The following VPS13B variants were observed in gnomAD, a reference collection of about 807,000 sequenced individuals.
The protein encoded by VPS13B is intermembrane lipid transfer protein VPS13B.
In VPS13B, 285 loss-of-function variants were observed where a neutral mutation model predicts 426.4. That is an observed-to-expected ratio of 0.67 (90% CI 0.61 to 0.74). VPS13B has a LOEUF of 0.74. Ranked by LOEUF, VPS13B falls within the 30% of genes least tolerant of loss-of-function variation. The probability of loss-of-function intolerance (pLI) is 0.00; values close to 1 mark genes in which losing one functional copy is unlikely to be tolerated. For synonymous variants in VPS13B, 1,676 were observed against 1,676.4 expected (o/e 1.00, Z 0.01); for missense variants, 4,537 against 4,782.6 (o/e 0.95, Z 1.51).
rs191314036 is a variant in VPS13B at position 99,650,329 on chromosome 8, C to T, written c.5908+7831C>T. Among the ~76,000 whole-genome samples the T allele has an allele frequency of 4.3e-4, 66 of 152,264 alleles. No homozygotes were observed. In the Middle Eastern group the frequency reaches 0.01, roughly 24 times the overall value. On this transcript the variant is annotated intron_variant, in intron 34 of 61. Transcript: ENST00000357162. ...GCAATGGTGTTCTCTCTCTGCATTC[C>T]TCAGGGCTTTCCTTTCATATACTAT...
intron 3 of VPS13B, among the ~76,000 whole-genome samples, chr8:99,077,654 T>G (rs373724186): frequency 1.3e-5 from 2 of 152,332 alleles, no homozygotes; most frequent in African/African-American, 2.4e-5. Flanking sequence ...TCGCTATTTT[T>G]AGAATTCTCT....
intron 16 of VPS13B, among the ~76,000 whole-genome samples, chr8:99,191,188 A>G (rs1049795786): frequency 9.9e-5 from 15 of 151,564 alleles, no homozygotes; most frequent in African/African-American, 3.4e-4. Context: ...TTTACATGTG[A>G]TGTGTTTTTC....
At chr8:99,437,630 A>G (rs1275408196) in intron 22 of VPS13B, among the ~76,000 whole-genome samples, 1 of 152,152 alleles carries the variant, frequency 6.6e-6, no homozygotes, top group East Asian at 1.9e-4. Flanking sequence ...AAGCAGGAGA[A>G]TCGCTTGAAC....
chr8:99,722,325 C>CGTGT (rs1833162725), intron 39 of VPS13B, among the ~76,000 whole-genome samples: 1 of 152,246 alleles, frequency 6.6e-6, no homozygotes, highest in South Asian at 2.1e-4. Context: ...TGTTTACTTG[C>CGTGT]GTGTGATCTT....
At position 99,501,400 on chromosome 8, in the gene VPS13B, A is replaced by G. The variant is rs943906910; in HGVS notation, c.3871-287A>G. On this transcript the variant is annotated intron_variant, in intron 25 of 61. Coordinates refer to ENST00000357162, the MANE Select transcript of VPS13B (RefSeq NM_152564.5). ...CCCTTCACTGTAGCTTGCAGACTCT[A>G]CTCTATAGGAACATACTCATTGGTT... Among the ~76,000 whole-genome samples the G allele has an allele frequency of 3.9e-5, 6 of 152,192 alleles. No homozygotes were observed. The East Asian group carries it at 5.8e-4, about 15-fold the overall frequency.
intron 17 of VPS13B, among the ~76,000 whole-genome samples, chr8:99,250,021 G>A (rs1321784500): frequency 1.3e-5 from 2 of 152,042 alleles, no homozygotes; most frequent in East Asian, 1.9e-4. Flanking sequence ...CATACTCACT[G>A]GTATTTAATT....
chr8:99,462,489 C>T lies in VPS13B; in HGVS notation c.3446-4925C>T, dbSNP rs192155859. ...TGGGCTGTTTTTCCCTTTCCTCTACCTTTCTCTTAAATACAGGTATTCTTC... is the reference window on the plus strand; with the variant it reads ...TGGGCTGTTTTTCCCTTTCCTCTACTTTTCTCTTAAATACAGGTATTCTTC... On this transcript the variant is annotated intron_variant, in intron 23 of 61. Transcript: ENST00000357162. 2.0e-4 allele frequency among the ~76,000 whole-genome samples: 30 copies of T among 152,016 alleles called. No homozygotes were observed. The South Asian group carries it at 4.2e-3, about 21-fold the overall frequency.
chr8:99,869,996 G>A (rs960366128), intron 59 of VPS13B, among the ~76,000 whole-genome samples: 1 of 152,242 alleles, frequency 6.6e-6, no homozygotes, highest in Non-Finnish European at 1.5e-5. Context: ...TAAACCAGGG[G>A]CCCCAAGCGT....
intron 21 of VPS13B, among the ~76,000 whole-genome samples, chr8:99,401,345 T>C (rs966504911): frequency 6.6e-6 from 1 of 152,218 alleles, no homozygotes; most frequent in African/African-American, 2.4e-5. Flanking sequence ...TGTATACAGG[T>C]TATGAGTATT....
intron 34 of VPS13B, among the ~76,000 whole-genome samples, chr8:99,650,249 G>C (rs1002473846): frequency 3.3e-5 from 5 of 152,102 alleles, no homozygotes; most frequent in African/African-American, 7.2e-5. Context: ...CCAAGGAGTT[G>C]TCAGCATTAA....
intron 3 of VPS13B, among the ~76,000 whole-genome samples, chr8:99,039,300 T>C (rs1842873701): frequency 6.6e-6 from 1 of 152,220 alleles, no homozygotes; most frequent in Non-Finnish European, 1.5e-5. Flanking sequence ...ATTTTATAAT[T>C]GTTTTTGAAG....
chr8:99,757,922 A>G (rs979557790), intron 39 of VPS13B, among the ~76,000 whole-genome samples: 1 of 152,250 alleles, frequency 6.6e-6, no homozygotes, highest in African/African-American at 2.4e-5. Context: ...ACCATGTGTT[A>G]CATGTGGAAT....
rs370748247 is a variant in VPS13B, at chr8:99,096,477, C to T, written c.412+45C>T. On this transcript the variant is annotated intron_variant, in intron 4 of 61. Coordinates refer to ENST00000357162, the MANE Select transcript of VPS13B (RefSeq NM_152564.5). ...ATAAAACCAAATTTCAATTTTTGGC[C>T]GGGCATGGTGGCTCATGCCTGTAAT... The T allele has an allele frequency of 2.4e-4, 394 of 1,610,600 alleles. 3 individuals are homozygous for T. The highest frequency in any genetic ancestry group is 2.1e-3 in the South Asian group (195 of 90,910).
intron 17 of VPS13B, among the ~76,000 whole-genome samples, chr8:99,214,232 T>C (rs1023756870): frequency 3.9e-5 from 6 of 152,200 alleles, no homozygotes; most frequent in African/African-American, 1.4e-4. Context: ...CCTTTAATTA[T>C]TGTCTGTGAC....
At chr8:99,111,775 T>C (rs1054816360) in intron 6 of VPS13B, among the ~76,000 whole-genome samples, 112 of 152,290 alleles carry the variant, frequency 7.4e-4, no homozygotes, top group African/African-American at 2.6e-3. Context: ...ATTAAAATCT[T>C]AGGGAGTTAT....
rs1193844207 is a variant in VPS13B at position 99,606,624 on chromosome 8, C to CTT, written c.5220+28994_5220+28995dup. 9.2e-4 allele frequency among the ~76,000 whole-genome samples: 126 copies of CTT among 137,194 alleles called. 1 individual carries two copies. Among genetic ancestry groups the CTT allele is most frequent in the African/African-American group, 2.6e-3 (98 of 38,188 alleles). 90.0% of individuals were successfully genotyped at this position (137,194 alleles called of 152,430 possible). A position where few individuals can be genotyped will look rare whatever the true frequency, so the allele number is the denominator to read the frequency against. ...TGCCTTTTGTTTTCTTTTTCTTTTT[C>CTT]TTTTCTTTTTTTTTTTTTTTTTGAG... On this transcript the variant is annotated intron_variant, in intron 33 of 61. Transcript: ENST00000357162.
At chr8:99,089,362 A>G (rs114262112) in intron 3 of VPS13B, among the ~76,000 whole-genome samples, 237 of 152,198 alleles carry the variant, frequency 1.6e-3, no homozygotes, top group African/African-American at 4.9e-3. Flanking sequence ...GTCTCAATTT[A>G]GAAGTTTATT....
At position 99,096,396 on chromosome 8, in the gene VPS13B, C is replaced by T. The variant is rs1057516422; in HGVS notation, c.376C>T (p.Gln126Ter). 1.2e-6 allele frequency: 2 copies of T among 1,614,068 alleles called. No individual in the cohort carries two copies. Among genetic ancestry groups the T allele is most frequent in the East Asian group, 4.5e-5 (2 of 44,872 alleles). ...TKSSIKPRRM[Q>*]QAAPTDPDLP... ...ATCATCAATCAAACCGCGGAGAATG[C>T]AGCAGGCTGCTCCTACAGATCCTGA... The change falls in exon 4 of 62, where the codon CAG (glutamine) becomes TAG (stop). Residue 126 changes from glutamine (Q) to a stop codon, truncating the protein, a stop_gained. Transcript: ENST00000357162. LOFTEE classifies it high-confidence loss of function.
intron 4 of VPS13B, among the ~76,000 whole-genome samples, chr8:99,097,024 A>C (rs925276232): frequency 7.9e-5 from 12 of 152,148 alleles, no homozygotes; most frequent in African/African-American, 2.2e-4. Flanking sequence ...TCTGCTTCTT[A>C]ATATCCCCAG....
Sources: gnomAD v4.1 joint callset for allele counts (sites outside exome capture counted in the v4.1 genomes callset) on GRCh38, gnomAD v4.1.1 for gene constraint, MANE v1.5 for transcripts, NCBI Gene and HGNC (gene_info 2026-07-23, HGNC 2026-07-21) for gene names.